The following PCDHA7 variants were observed in gnomAD, a reference collection of about 807,000 sequenced individuals.
The protein encoded by PCDHA7 is protocadherin alpha-7.
A neutral mutation model predicts 57.2 loss-of-function variants in PCDHA7; 37 were observed. The ratio of observed to expected loss-of-function variants is 0.65; its 90% CI spans 0.50 to 0.85. PCDHA7 has a LOEUF of 0.85. Among genes scored for constraint, PCDHA7 ranks in the 40% least tolerant of loss-of-function variants. The pLI is 0.00. For synonymous variants in PCDHA7, 553 were observed against 558.8 expected (o/e 0.99, Z 0.15); for missense variants, 1,188 against 1,241.8 (o/e 0.96, Z 0.65).
rs146253628 is a variant in PCDHA7 at position 140,848,781 on chromosome 5, T to G, written c.2355+12043T>G. On this transcript the variant is annotated intron_variant, in intron 1 of 3. Coordinates refer to ENST00000525929, the MANE Select transcript of PCDHA7 (RefSeq NM_018910.3). ...TTCTCGGATCGACCGCGAGGAGCTG[T>G]GCGGGCGGAGCGCGGAGTGCAGCAT... 4,068 of 1,593,236 alleles carry G rather than the reference T, an allele frequency of 2.6e-3. 389 individuals are homozygous for G. The highest frequency in any genetic ancestry group is 3.0e-3 in the Non-Finnish European group (3,446 of 1,164,036).
In PCDHA7 at chr5:140,890,236, T is replaced by C. The variant is rs79211810; in HGVS notation, c.2355+53498T>C. 1.2e-3 allele frequency among the ~76,000 whole-genome samples: 183 copies of C among 152,244 alleles called. 1 individual carries two copies. Among genetic ancestry groups the C allele is most frequent in the African/African-American group, 4.0e-3 (168 of 41,532 alleles). ...CCCAGAGACCTAGTTGTTAAGCATT[T>C]ACCAGTACACTACTGCACCTGATTG... On this transcript the variant is annotated intron_variant, in intron 1 of 3. Transcript: ENST00000525929.
At chr5:140,966,914 G>A in intron 1 of PCDHA7, 1 of 1,602,270 alleles carries the variant, frequency 6.2e-7, no homozygotes, top group Non-Finnish European at 8.5e-7. Context: ...CTCTGTGCCA[G>A]AGGAGCAGGC....
intron 1 of PCDHA7, chr5:140,851,778 A>G: frequency 3.1e-6 from 3 of 964,858 alleles, no homozygotes; most frequent in Non-Finnish European, 3.8e-6. Context: ...ATGAATTTAG[A>G]TGAGAATTCA....
intron 1 of PCDHA7, chr5:140,843,320 G>A (rs782364875): frequency 6.3e-7 from 1 of 1,596,056 alleles, no homozygotes; most frequent in Non-Finnish European, 8.6e-7. Context: ...CACGGTTCTG[G>A]TGTCGCTGGT....
chr5:140,846,501 A>G (rs1780515725), intron 1 of PCDHA7, among the ~76,000 whole-genome samples: 1 of 146,172 alleles, frequency 6.8e-6, no homozygotes. Flanking sequence ...CAGCCTCCCA[A>G]GTAGCTGGGA....
chr5:140,968,798 G>A, intron 1 of PCDHA7: 3 of 1,614,232 alleles, frequency 1.9e-6, no homozygotes, highest in Non-Finnish European at 2.5e-6. Context: ...GGCCATTACA[G>A]TAGCTGTGGT....
At chr5:140,842,766 C>A (rs2150343854) in intron 1 of PCDHA7, 6 of 1,594,742 alleles carry the variant, frequency 3.8e-6, no homozygotes, top group Non-Finnish European at 5.1e-6. Context: ...GCGCGAGACG[C>A]GGACGCGCAG....
At chr5:140,973,007 G>T (rs2096567856) in intron 1 of PCDHA7, among the ~76,000 whole-genome samples, 1 of 152,160 alleles carries the variant, frequency 6.6e-6, no homozygotes, top group Non-Finnish European at 1.5e-5. Context: ...TGTGGTCGTG[G>T]TGTTGTGATT....
intron 1 of PCDHA7, chr5:140,867,501 C>G (rs2049995274): frequency 6.6e-6 from 1 of 151,954 alleles, no homozygotes. Context: ...AAAAGTAGAA[C>G]AAAATCTCAA....
chr5:140,863,542 C>T, intron 1 of PCDHA7: 3 of 384,090 alleles, frequency 7.8e-6, no homozygotes, highest in South Asian at 6.2e-5. Context: ...TGGAGATGGA[C>T]TTCAATAGGA....
At chr5:140,991,595 C>G (rs181014489) in intron 3 of PCDHA7, among the ~76,000 whole-genome samples, 1 of 152,328 alleles carries the variant, frequency 6.6e-6, no homozygotes, top group African/African-American at 2.4e-5. Flanking sequence ...TACCTGAGCC[C>G]TCACTGGCAG....
At chr5:140,867,267 A>G (rs2049851956) in intron 1 of PCDHA7, 1 of 152,078 alleles carries the variant, frequency 6.6e-6, no homozygotes, top group African/African-American at 2.4e-5. Flanking sequence ...TTTTGTTCAA[A>G]ATAAACCTGA....
chr5:140,843,262 G>T (rs2150356218), intron 1 of PCDHA7: 4 of 1,596,090 alleles, frequency 2.5e-6, no homozygotes, highest in Admixed American at 1.7e-5. Flanking sequence ...GCCACCGTCT[G>T]CTGGTCCTGG....
At chr5:140,869,892 A>C in intron 1 of PCDHA7, 2 of 1,610,608 alleles carry the variant, frequency 1.2e-6, no homozygotes, top group Non-Finnish European at 1.7e-6. Context: ...TTGTGCTCAA[A>C]CTAAACGCCA....
rs782361286 is a variant in PCDHA7, at chr5:140,876,924, G to T, written c.2355+40186G>T. The T allele has an allele frequency of 4.3e-6, 7 of 1,613,704 alleles. No individual in the cohort carries two copies. The African/African-American group carries it at 5.3e-5, about 12-fold the overall frequency. The stretch of plus-strand genomic sequence containing the variant: ...CGGTGTCGGCATGGGACGCGGACGC[G>T]CAGAAGAACGCGCTGGTGTCCTACT... On this transcript the variant is annotated intron_variant, in intron 1 of 3. Coordinates refer to ENST00000525929, the MANE Select transcript of PCDHA7 (RefSeq NM_018910.3).
intron 1 of PCDHA7, chr5:140,966,814 C>T: frequency 1.9e-6 from 3 of 1,552,444 alleles, no homozygotes; most frequent in East Asian, 2.4e-5. Context: ...ATCCACGGCT[C>T]CGGCGGCCCA....
At position 140,857,233 on chromosome 5, in the gene PCDHA7, G is replaced by A. The variant is rs1308790390; in HGVS notation, c.2355+20495G>A. The A allele has an allele frequency of 4.4e-6, 7 of 1,598,456 alleles. 1 individual carries two copies. Among genetic ancestry groups the A allele is most frequent in the Non-Finnish European group, 6.0e-6 (7 of 1,167,974 alleles). On this transcript the variant is annotated intron_variant, in intron 1 of 3. Coordinates refer to ENST00000525929, the MANE Select transcript of PCDHA7 (RefSeq NM_018910.3). Reference sequence around the variant, plus strand: ...CTCTGACGCCTCACGTTCCGTTCAAGCTGGTGTCCACCTACAAGAATTACT... The same window carrying A: ...CTCTGACGCCTCACGTTCCGTTCAAACTGGTGTCCACCTACAAGAATTACT...
intron 1 of PCDHA7, among the ~76,000 whole-genome samples, chr5:140,855,454 C>T (rs2043476507): frequency 6.7e-6 from 1 of 149,874 alleles, no homozygotes; most frequent in Non-Finnish European, 1.5e-5. Flanking sequence ...GAGTTATAAA[C>T]ACCTCACAGA....
intron 1 of PCDHA7, among the ~76,000 whole-genome samples, chr5:140,902,660 C>A (rs1322922634): frequency 1.3e-5 from 2 of 152,116 alleles, no homozygotes; most frequent in Non-Finnish European, 2.9e-5. Flanking sequence ...GCACCTGTCA[C>A]CCAAGCAGTG....
Sources: allele counts gnomAD v4.1 joint callset (sites outside exome capture counted in the v4.1 genomes callset), GRCh38; gene constraint gnomAD v4.1.1; transcripts MANE v1.5; gene names NCBI Gene and HGNC (gene_info 2026-07-23, HGNC 2026-07-21).